The following FYB1 variants were observed in gnomAD, a reference collection of about 807,000 sequenced individuals.
FYB1 encodes the protein FYN binding protein 1, also known as FYN-binding protein 1.
FYB1 carries 41 observed loss-of-function variants against 94.1 expected under a neutral mutation model. That is an observed-to-expected ratio of 0.44 (90% CI 0.34 to 0.57). The LOEUF (loss-of-function observed/expected upper bound fraction) is 0.57, where lower values mean the gene tolerates loss of function less well. FYB1 is among the 20% of genes least tolerant of loss of function. The pLI is 0.02. For missense variants in FYB1, 1,050 were observed against 976.8 expected, an observed-to-expected ratio of 1.07 and a Z score of -1.00; for synonymous variants, 367 against 353.2, an observed-to-expected ratio of 1.04 and a Z score of -0.44.
intron 13 of FYB1, 44 bp from the exon 14 acceptor site, chr5:39,122,446 A>G (rs1181831982): frequency 8.9e-7 from 1 of 1,122,624 alleles, no homozygotes; most frequent in African/African-American, 1.5e-5. Context: ...CTGTTAGTTT[A>G]GATTTTGATA....
intron 7 of FYB1, among the ~76,000 whole-genome samples, chr5:39,136,097 T>C (rs1741654697): frequency 1.3e-5 from 2 of 151,738 alleles, no homozygotes; most frequent in Non-Finnish European, 2.9e-5. Flanking sequence ...TGAGATGGAG[T>C]CTCGCTCTGT....
At chr5:39,268,192 T>C (rs1752512606) in intron 1 of FYB1, among the ~76,000 whole-genome samples, 1 of 152,092 alleles carries the variant, frequency 6.6e-6, no homozygotes, top group African/African-American at 2.4e-5. Context: ...GACAGAATTA[T>C]AGAACACGCT....
chr5:39,149,773 C>G (rs1051489551), intron 3 of FYB1, among the ~76,000 whole-genome samples: 4 of 152,116 alleles, frequency 2.6e-5, no homozygotes, highest in African/African-American at 9.7e-5. Context: ...CCTGGGCTTC[C>G]AAGACCCCGG....
rs1474033864 is a variant in FYB1 at position 39,202,591 on chromosome 5, C to T, written c.370G>A (p.Asp124Asn). 16 of 1,613,754 alleles carry T rather than the reference C, an allele frequency of 9.9e-6. No homozygotes were observed. Among genetic ancestry groups the T allele is most frequent in the Non-Finnish European group, 1.2e-5 (14 of 1,179,888 alleles). The change falls in exon 2 of 19, where the codon GAT (aspartate) becomes AAT (asparagine). Residue 124 changes from aspartate to asparagine, a missense_variant. By Grantham distance (23) the Asp-to-Asn change is conservative (BLOSUM62 1). Coordinates refer to ENST00000512982, the MANE Select transcript of FYB1 (RefSeq NM_001465.6). ...GPKPINLPKE[D>N]SKPTFPWPPG... ...GGCCAGGGAAATGTAGGTTTGGAAT[C>T]TTCTTTGGGCAAGTTGATGGGCTTG...
chr5:39,113,850 T>C (rs1021145651), intron 16 of FYB1, among the ~76,000 whole-genome samples: 1 of 152,062 alleles, frequency 6.6e-6, no homozygotes, highest in Non-Finnish European at 1.5e-5. Flanking sequence ...GCTCATAGTA[T>C]AATAAAAGAA....
At chr5:39,266,058 T>A (rs528438410) in intron 1 of FYB1, among the ~76,000 whole-genome samples, 1 of 152,166 alleles carries the variant, frequency 6.6e-6, no homozygotes, top group Admixed American at 6.5e-5. Context: ...ATCTATTTCT[T>A]CATTTCTTCC....
At chr5:39,237,968 A>G (rs1042562467) in intron 1 of FYB1, among the ~76,000 whole-genome samples, 7 of 152,144 alleles carry the variant, frequency 4.6e-5, no homozygotes, top group African/African-American at 1.4e-4. Flanking sequence ...AGACAAAGAT[A>G]TAGAAGCATT....
intron 2 of FYB1, among the ~76,000 whole-genome samples, chr5:39,164,800 T>C: frequency 6.6e-6 from 1 of 152,224 alleles, no homozygotes; most frequent in Admixed American, 6.5e-5. Flanking sequence ...GGAAATTGCC[T>C]GACCAGTGTG....
At chr5:39,261,726 A>G (rs1752227585) in intron 1 of FYB1, among the ~76,000 whole-genome samples, 1 of 152,106 alleles carries the variant, frequency 6.6e-6, no homozygotes, top group Non-Finnish European at 1.5e-5. Flanking sequence ...CAGCCTGGGC[A>G]ACAAGGCGAG....
intron 2 of FYB1, among the ~76,000 whole-genome samples, chr5:39,201,351 C>T (rs1748297288): frequency 6.6e-6 from 1 of 152,140 alleles, no homozygotes; most frequent in African/African-American, 2.4e-5. Flanking sequence ...GCCAGTAGCA[C>T]CCTCCAGTTG....
chr5:39,143,090 T>C (rs145038734), intron 3 of FYB1, among the ~76,000 whole-genome samples: 6 of 152,346 alleles, frequency 3.9e-5, no homozygotes, highest in Non-Finnish European at 8.8e-5. Context: ...CATAGCTTTA[T>C]ATATGATCTT....
At position 39,126,225 on chromosome 5, in the gene FYB1, T is replaced by C. The variant is rs556456798; in HGVS notation, c.1908-90A>G. 8.9e-6 allele frequency: 12 copies of C among 1,354,348 alleles called. No homozygotes were observed. The South Asian group carries it at 1.1e-4, about 13-fold the overall frequency. 83.9% of individuals were successfully genotyped at this position (1,354,348 alleles called of 1,614,324 possible). Reference sequence around the variant, plus strand: ...CATTCAGATTCTTTATAATCATTAATCATTACGGCCACATTAATCATTCAG... The same window carrying C: ...CATTCAGATTCTTTATAATCATTAACCATTACGGCCACATTAATCATTCAG... On this transcript the variant is annotated intron_variant, in intron 11 of 18. Transcript: ENST00000512982.
In FYB1 at chr5:39,135,008, C is replaced by CT; in HGVS notation, c.1521dup (p.Gly508ArgfsTer14). On this transcript the variant is annotated frameshift_variant, in exon 8 of 19. Coordinates refer to ENST00000512982, the MANE Select transcript of FYB1 (RefSeq NM_001465.6). LOFTEE classifies it high-confidence loss of function. ...GCAAGATGGATGACTTGAATAGGGC[C>CT]TGTTAGCTGCAAAGAGAAAAAAATA... is the stretch of plus-strand genomic sequence containing the variant. 1.2e-6 allele frequency: 2 copies of CT among 1,612,244 alleles called. No homozygotes were observed. Among genetic ancestry groups the CT allele is most frequent in the Non-Finnish European group, 1.7e-6 (2 of 1,179,220 alleles).
intron 2 of FYB1, among the ~76,000 whole-genome samples, chr5:39,178,928 T>G (rs1717412242): frequency 6.6e-6 from 1 of 152,144 alleles, no homozygotes. Context: ...ACTGGCTGAG[T>G]TTGAAAATCT....
At chr5:39,196,195 A>C (rs796454302) in intron 2 of FYB1, among the ~76,000 whole-genome samples, 2 of 150,220 alleles carry the variant, frequency 1.3e-5, no homozygotes, top group African/African-American at 4.9e-5. Context: ...ATTCTAGTTA[A>C]ATATAATTCT....
chr5:39,215,691 A>G (rs892524161), intron 1 of FYB1, among the ~76,000 whole-genome samples: 2 of 152,246 alleles, frequency 1.3e-5, no homozygotes, highest in Admixed American at 6.5e-5. Flanking sequence ...GCAGAAATTC[A>G]GTGGCAAGGA....
At chr5:39,191,482 G>A (rs1013301466) in intron 2 of FYB1, among the ~76,000 whole-genome samples, 2 of 152,128 alleles carry the variant, frequency 1.3e-5, no homozygotes, top group South Asian at 2.1e-4. Context: ...TTTTGGTTTC[G>A]ATTTTTTTCT....
Position 39,202,906 on chromosome 5 carries a change from G to A in FYB1, c.55C>T (p.Arg19Ter). 1 of 1,613,938 alleles carries A rather than the reference G, an allele frequency of 6.2e-7. No homozygotes were observed. Among genetic ancestry groups the A allele is most frequent in the Non-Finnish European group, 8.5e-7 (1 of 1,179,868 alleles). Residue 19 changes from arginine to a stop codon, truncating the protein, a stop_gained, in exon 2 of 19, where the codon CGA (arginine) becomes TGA (stop). Transcript: ENST00000512982. LOFTEE classifies it high-confidence loss of function. The stretch of plus-strand genomic sequence containing the variant: ...TTTGGCCCTGTGACTCTGAAGGGTC[G>A]GCTATTGACTGAGACATCCTCTGTC... ...NPTEDVSVNS[R>*]PFRVTGPNSS...
At chr5:39,118,797 G>T in intron 16 of FYB1, 77 bp downstream of exon 16, 1 of 871,748 alleles carries the variant, frequency 1.1e-6, no homozygotes. Context: ...ACACAGAGTA[G>T]TCACTAAAAC....
Sources: gnomAD v4.1 joint callset for allele counts (sites outside exome capture counted in the v4.1 genomes callset) on GRCh38, gnomAD v4.1.1 for gene constraint, MANE v1.5 for transcripts, NCBI Gene and HGNC (gene_info 2026-07-23, HGNC 2026-07-21) for gene names.